The following KCNMA1 variants were observed in gnomAD, a reference collection of about 807,000 sequenced individuals.
KCNMA1 encodes Calcium-activated potassium channel subunit alpha-1.
A neutral mutation model predicts 140.0 loss-of-function variants in KCNMA1; 29 were observed. That is an observed-to-expected ratio of 0.21 (90% CI 0.15 to 0.28). The LOEUF is 0.28. Ranked by LOEUF, KCNMA1 falls within the 10% of genes least tolerant of loss-of-function variation. The pLI is 1.00. For synonymous variants in KCNMA1, 612 were observed against 611.9 expected, an observed-to-expected ratio of 1.00 and a Z score of 0.00; for missense variants, 880 against 1,602.2, an observed-to-expected ratio of 0.55 and a Z score of 7.70.
intron 21 of KCNMA1, chr10:76,952,073 T>G: frequency 6.4e-7 from 1 of 1,552,284 alleles, no homozygotes; most frequent in Non-Finnish European, 8.7e-7. Flanking sequence ...GAGATGTTGA[T>G]TGAATATCAG....
At chr10:77,282,400 C>A (rs1303146752) in intron 2 of KCNMA1, among the ~76,000 whole-genome samples, 2 of 152,176 alleles carry the variant, frequency 1.3e-5, no homozygotes, top group African/African-American at 4.8e-5. Flanking sequence ...ATTCTCCTCC[C>A]ACCAGTCTTC....
chr10:77,023,400 T>C (rs2093075663), intron 16 of KCNMA1, among the ~76,000 whole-genome samples: 1 of 152,214 alleles, frequency 6.6e-6, no homozygotes, highest in Non-Finnish European at 1.5e-5. Flanking sequence ...AATGTACCAT[T>C]CCTCAGGCAA....
chr10:77,142,302 T>G (rs1597032637), intron 5 of KCNMA1, among the ~76,000 whole-genome samples: 2 of 145,354 alleles, frequency 1.4e-5, no homozygotes, highest in East Asian at 2.0e-4. Context: ...ACCTGGGAGG[T>G]GGAGCTTGCA....
intron 3 of KCNMA1, among the ~76,000 whole-genome samples, chr10:77,218,977 G>A (rs2048690071): frequency 6.6e-6 from 1 of 152,096 alleles, no homozygotes; most frequent in Non-Finnish European, 1.5e-5. Context: ...ATAAGCTACT[G>A]CGCCTGGCCT....
intron 1 of KCNMA1, among the ~76,000 whole-genome samples, chr10:77,505,672 C>T (rs557472356): frequency 2.0e-4 from 31 of 152,274 alleles, no homozygotes; most frequent in Non-Finnish European, 3.8e-4. Context: ...ATAGGGGTGA[C>T]TAGTTATGTG....
chr10:77,209,606 A>G (rs2045332658), intron 3 of KCNMA1, among the ~76,000 whole-genome samples: 2 of 152,190 alleles, frequency 1.3e-5, no homozygotes, highest in African/African-American at 4.8e-5. Flanking sequence ...CATATAACAT[A>G]TCAAAGAAAC....
At chr10:77,195,278 G>A (rs2040083145) in intron 3 of KCNMA1, among the ~76,000 whole-genome samples, 1 of 152,158 alleles carries the variant, frequency 6.6e-6, no homozygotes, top group Non-Finnish European at 1.5e-5. Flanking sequence ...CAGCCAAAAC[G>A]GAGTGTCTGA....
intron 1 of KCNMA1, among the ~76,000 whole-genome samples, chr10:77,602,915 CA>C (rs1476475583): frequency 2.0e-5 from 3 of 152,160 alleles, no homozygotes; most frequent in African/African-American, 4.8e-5. Context: ...TTGACAAGCA[CA>C]ATGTAACCAA....
At position 76,944,807 on chromosome 10, in the gene KCNMA1, A is replaced by G. The variant is rs779172448; in HGVS notation, c.2868T>C (p.Asp956=). 9.3e-6 allele frequency: 15 copies of G among 1,614,200 alleles called. No individual in the cohort carries two copies. Among genetic ancestry groups the G allele is most frequent in the Non-Finnish European group, 1.2e-5 (14 of 1,180,026 alleles). The change falls in exon 23 of 28, where the codon GAT becomes GAC. Residue 956 remains aspartate, a synonymous_variant. Transcript: ENST00000286628. ...ASLNIKSMQF[D]DSIGVLQANS... ...TAGCCTGCAAGACTCCGATGCTGTC[A>G]TCAAACTGCATAGATTTGATGTTGA... is the stretch of plus-strand genomic sequence containing the variant.
At chr10:77,258,937 T>G (rs2061393722) in intron 2 of KCNMA1, among the ~76,000 whole-genome samples, 2 of 151,920 alleles carry the variant, frequency 1.3e-5, no homozygotes, top group Non-Finnish European at 2.9e-5. Flanking sequence ...CACTGCAGCC[T>G]GGGCAACAGA....
intron 2 of KCNMA1, among the ~76,000 whole-genome samples, chr10:77,282,845 AAAAC>A (rs2069172637): frequency 6.6e-6 from 1 of 152,190 alleles, no homozygotes; most frequent in Non-Finnish European, 1.5e-5. Context: ...CCCCATCTCT[AAAAC>A]AAACAATCAA....
chr10:77,380,572 G>A (rs1001414005), intron 2 of KCNMA1, among the ~76,000 whole-genome samples: 4 of 152,074 alleles, frequency 2.6e-5, no homozygotes, highest in Admixed American at 6.5e-5. Flanking sequence ...TTCAGGAAAC[G>A]GGCAGAAAAT....
At chr10:77,075,780 T>C (rs1230279589) in intron 13 of KCNMA1, among the ~76,000 whole-genome samples, 1 of 152,220 alleles carries the variant, frequency 6.6e-6, no homozygotes, top group Non-Finnish European at 1.5e-5. Context: ...GAAATCTCTG[T>C]GCATGAAACA....
Position 76,885,290 on chromosome 10 carries a change from T to C in KCNMA1, c.*1976A>G. ...TATATAAAGAGATAGTTATACATAA[T>C]ATAAATCAATATATAGAGGGACAAA... On this transcript the variant is annotated 3_prime_UTR_variant, in exon 28 of 28. Coordinates refer to ENST00000286628, the MANE Select transcript of KCNMA1 (RefSeq NM_001161352.2). 2 of 711,988 alleles carry C rather than the reference T, an allele frequency of 2.8e-6. No homozygotes were observed. The highest frequency in any genetic ancestry group is 1.7e-6 in the Non-Finnish European group (1 of 582,042). 44.1% of individuals were successfully genotyped at this position (711,988 alleles called of 1,614,324 possible). A position where few individuals can be genotyped will look rare whatever the true frequency, so the allele number is the denominator to read the frequency against.
intron 7 of KCNMA1, among the ~76,000 whole-genome samples, 178 bp downstream of exon 7, chr10:77,112,189 G>A (rs574635779): frequency 3.3e-5 from 5 of 152,340 alleles, no homozygotes; most frequent in Admixed American, 6.5e-5. Flanking sequence ...TCACCATTTG[G>A]AACTAGTTTG....
intron 18 of KCNMA1, among the ~76,000 whole-genome samples, chr10:77,010,790 G>A (rs900587767): frequency 1.8e-4 from 28 of 151,812 alleles, no homozygotes; most frequent in Non-Finnish European, 4.0e-4. Flanking sequence ...CTTTAGGAAT[G>A]GTGCTCTTCT....
chr10:77,383,747 C>G (rs898490729), intron 2 of KCNMA1, among the ~76,000 whole-genome samples: 1 of 152,154 alleles, frequency 6.6e-6, no homozygotes, highest in Non-Finnish European at 1.5e-5. Context: ...CTGGAGTGCA[C>G]TGGCATGATC....
At chr10:77,265,558 A>G (rs1211037338) in intron 2 of KCNMA1, among the ~76,000 whole-genome samples, 1 of 152,222 alleles carries the variant, frequency 6.6e-6, no homozygotes, top group Non-Finnish European at 1.5e-5. Context: ...ATATATCTAT[A>G]AAAATATACT....
chr10:77,258,179 A>G (rs998050475), intron 2 of KCNMA1, among the ~76,000 whole-genome samples: 1 of 152,236 alleles, frequency 6.6e-6, no homozygotes, highest in Non-Finnish European at 1.5e-5. Flanking sequence ...TTTTGGCTTG[A>G]AAAGGTAGCC....
Sources: gnomAD v4.1 joint callset for allele counts (sites outside exome capture counted in the v4.1 genomes callset) on GRCh38, gnomAD v4.1.1 for gene constraint, MANE v1.5 for transcripts, NCBI Gene and HGNC (gene_info 2026-07-23, HGNC 2026-07-21) for gene names.